Variants in FUT8 observed in about 807,000 individuals in gnomAD.
FUT8 encodes fucosyltransferase 8, also known as alpha-(1,6)-fucosyltransferase.
A neutral mutation model predicts 71.3 loss-of-function variants in FUT8; 29 were observed. That is an observed-to-expected ratio of 0.41 (90% CI 0.30 to 0.55). The LOEUF is 0.55. Among genes scored for constraint, FUT8 ranks in the 20% least tolerant of loss-of-function variants. The probability of loss-of-function intolerance (pLI) is 0.34; values close to 1 mark genes in which losing one functional copy is unlikely to be tolerated. For synonymous variants in FUT8, 254 were observed against 239.3 expected (o/e 1.06, Z -0.57); for missense variants, 544 against 702.1 (o/e 0.77, Z 2.55).
chr14:65,414,610 C>A (rs2065192399), intron 1 of FUT8, among the ~76,000 whole-genome samples: 1 of 152,088 alleles, frequency 6.6e-6, no homozygotes, highest in Non-Finnish European at 1.5e-5. Flanking sequence ...GGTGGGAATT[C>A]AAGCATTTGT....
At chr14:65,416,026 T>C (rs979516884) in intron 1 of FUT8, among the ~76,000 whole-genome samples, 3 of 152,232 alleles carry the variant, frequency 2.0e-5, no homozygotes, top group Non-Finnish European at 4.4e-5. Context: ...CTGTTTATTA[T>C]CCATAGCTCT....
intron 3 of FUT8, among the ~76,000 whole-genome samples, chr14:65,590,469 A>G (rs1228431128): frequency 6.6e-6 from 1 of 152,206 alleles, no homozygotes; most frequent in Non-Finnish European, 1.5e-5. Context: ...ACCATTGGAA[A>G]AATCCCTTAA....
intron 3 of FUT8, among the ~76,000 whole-genome samples, chr14:65,565,744 T>C (rs768524418): frequency 1.1e-4 from 16 of 151,948 alleles, no homozygotes; most frequent in Non-Finnish European, 2.2e-4. Flanking sequence ...TTTCAATTTA[T>C]ATTTCTGTAA....
intron 2 of FUT8, among the ~76,000 whole-genome samples, chr14:65,507,822 G>A (rs550420768): frequency 4.6e-5 from 7 of 152,208 alleles, no homozygotes; most frequent in Non-Finnish European, 1.0e-4. Context: ...ATACCTAGCA[G>A]TGGGATTGCT....
At chr14:65,364,408 G>A in the FUT8 span, among the ~76,000 whole-genome samples, 1 of 152,042 alleles carries the variant, frequency 6.6e-6, no homozygotes, top group Non-Finnish European at 1.5e-5. Context: ...TCACCATGTT[G>A]GCCAGGCTGG....
intron 3 of FUT8, among the ~76,000 whole-genome samples, chr14:65,579,483 A>G (rs1016267077): frequency 3.3e-5 from 5 of 152,164 alleles, no homozygotes; most frequent in African/African-American, 7.2e-5. Flanking sequence ...ATTGAGATTA[A>G]CCATAATGAT....
At chr14:65,602,402 C>CACACACACCCTA (rs1888347668) in intron 3 of FUT8, among the ~76,000 whole-genome samples, 2 of 133,832 alleles carry the variant, frequency 1.5e-5, no homozygotes, top group Non-Finnish European at 3.2e-5. Flanking sequence ...CACACACACA[C>CACACACACCCTA]AGTTTCTTTA....
intron 3 of FUT8, among the ~76,000 whole-genome samples, chr14:65,575,127 C>A (rs545654687): frequency 1.1e-4 from 16 of 151,054 alleles, no homozygotes; most frequent in Non-Finnish European, 2.2e-4. Flanking sequence ...TTATAATAGT[C>A]TAGGAGTGCC....
chr14:65,359,147 T>C, the FUT8 span, among the ~76,000 whole-genome samples: 2 of 152,288 alleles, frequency 1.3e-5, no homozygotes, highest in Non-Finnish European at 2.9e-5. Context: ...TGTTTTACTT[T>C]TGGGGTTTGT....
chr14:65,501,372 A>G (rs1490404871), intron 2 of FUT8, among the ~76,000 whole-genome samples: 1 of 152,148 alleles, frequency 6.6e-6, no homozygotes, highest in Non-Finnish European at 1.5e-5. Context: ...GTTGAGGGGG[A>G]AATAAGAACT....
intron 1 of FUT8, among the ~76,000 whole-genome samples, chr14:65,422,939 T>C (rs891101685): frequency 6.6e-5 from 10 of 151,946 alleles, no homozygotes; most frequent in African/African-American, 9.7e-5. Context: ...ATTACAGGGA[T>C]GAGCCACTGC....
chr14:65,706,602 C>T (rs1894567833), intron 7 of FUT8, among the ~76,000 whole-genome samples: 1 of 152,172 alleles, frequency 6.6e-6, no homozygotes, highest in African/African-American at 2.4e-5. Context: ...CCAACAGATT[C>T]AGTGTCTGAT....
intron 1 of FUT8, among the ~76,000 whole-genome samples, chr14:65,432,430 A>ATTTTTTTTTTTT: frequency 6.9e-6 from 1 of 144,832 alleles, no homozygotes. Context: ...TTTCCTTCCC[A>ATTTTTTTTTTTT]TTATCCAAAC....
chr14:65,369,489 A>G, the FUT8 span, among the ~76,000 whole-genome samples: 1 of 152,174 alleles, frequency 6.6e-6, no homozygotes, highest in Non-Finnish European at 1.5e-5. This position sits in a 1 kb window ranked among gnomAD's most constrained non-coding sequence, Gnocchi z 4.6. Flanking sequence ...AAGTTCCAGA[A>G]GGAGAAGATC....
Position 65,615,974 on chromosome 14 carries a change from A to G in FUT8, c.204-4A>G, listed in dbSNP as rs369850265. The G allele has an allele frequency of 1.7e-4, 277 of 1,597,800 alleles. No individual in the cohort carries two copies. Among genetic ancestry groups the G allele is most frequent in the Non-Finnish European group, 2.3e-4 (271 of 1,169,194 alleles). The stretch of plus-strand genomic sequence containing the variant: ...ATGTTTACATTATCTTCCCTAAACT[A>G]CAGGATACCAGAAGGCCCTATTGAT... On this transcript the variant is annotated splice_region_variant and splice_polypyrimidine_tract_variant and intron_variant, in intron 3 of 10. Coordinates refer to ENST00000673929, the MANE Select transcript of FUT8 (RefSeq NM_001371533.1).
Position 65,699,192 on chromosome 14 carries a change from ACACACACG to A in FUT8, c.836-22581_836-22574del, listed in dbSNP as rs1894159044. Among the ~76,000 whole-genome samples, 5 of 121,360 alleles carry A rather than the reference ACACACACG, an allele frequency of 4.1e-5. No homozygotes were observed. In the Admixed American group the frequency reaches 4.2e-4, roughly 10 times the overall value. The allele number at this position is 121,360 out of a possible 152,430, so 79.6% of individuals were successfully genotyped here. On this transcript the variant is annotated intron_variant, in intron 7 of 10. Coordinates refer to ENST00000673929, the MANE Select transcript of FUT8 (RefSeq NM_001371533.1). Reference sequence around the variant, plus strand: ...CACACACACACACACACACACACACACACACACGCCCATGCAGAAACACATGCCCATTC... The same window carrying A: ...CACACACACACACACACACACACACACCCATGCAGAAACACATGCCCATTC...
intron 5 of FUT8, among the ~76,000 whole-genome samples, chr14:65,628,996 AT>A (rs1890035016): frequency 6.6e-6 from 1 of 152,216 alleles, no homozygotes; most frequent in East Asian, 1.9e-4. Context: ...TAATGAAAAA[AT>A]TTGCTGACCC....
At chr14:65,565,424 G>A (rs1437894861) in intron 3 of FUT8, among the ~76,000 whole-genome samples, 1 of 151,638 alleles carries the variant, frequency 6.6e-6, no homozygotes, top group Non-Finnish European at 1.5e-5. Context: ...AGAATGTGAG[G>A]TTATTTCCAT....
Position 65,439,954 on chromosome 14 carries a change from G to GTGTGTACATATATATA in FUT8, c.-325-15666_-325-15665insGTGTACATATATATAT. Among the ~76,000 whole-genome samples, 6 of 74,972 alleles carry GTGTGTACATATATATA rather than the reference G, an allele frequency of 8.0e-5. No individual in the cohort carries two copies. In the East Asian group the frequency reaches 1.8e-3, roughly 23 times the overall value. The allele number at this position is 74,972 out of a possible 152,430, so 49.2% of individuals were successfully genotyped here. A position where few individuals can be genotyped will look rare whatever the true frequency, so the allele number is the denominator to read the frequency against. On this transcript the variant is annotated intron_variant, in intron 1 of 10. Transcript: ENST00000673929. ...ATAAAGAAAATGTGTGTGTGTGTGTGTATATATATATATATATATATATAT... is the reference window on the plus strand; with the variant it reads ...ATAAAGAAAATGTGTGTGTGTGTGTGTGTGTACATATATATATATATATATATATATATATATATAT...
Sources: allele counts gnomAD v4.1 joint callset (sites outside exome capture counted in the v4.1 genomes callset), GRCh38; gene constraint gnomAD v4.1.1; non-coding constraint Gnocchi (gnomAD v3.1); transcripts MANE v1.5; gene names NCBI Gene and HGNC (gene_info 2026-07-23, HGNC 2026-07-21).